Variants in DOCK7 observed in about 807,000 individuals in gnomAD.
DOCK7 encodes the protein dedicator of cytokinesis 7, also known as dedicator of cytokinesis protein 7.
Under a neutral mutation model 271.0 loss-of-function variants are expected in DOCK7, and 138 were observed. The ratio of observed to expected loss-of-function variants is 0.51; its 90% CI spans 0.44 to 0.59. The LOEUF (loss-of-function observed/expected upper bound fraction) is 0.59. DOCK7 is among the 20% of genes least tolerant of loss of function. The pLI is 0.00. For missense variants in DOCK7, 2,066 were observed against 2,592.4 expected (o/e 0.80, Z 4.41); for synonymous variants, 823 against 876.1 (o/e 0.94, Z 1.07).
chr1:62,474,189 T>TATATGCA, intron 47 of DOCK7, 101 bp from the exon 48 acceptor site: 1 of 924,326 alleles, frequency 1.1e-6, no homozygotes, highest in Non-Finnish European at 1.7e-6. Context: ...GATGGCTGCA[T>TATATGCA]TTAAGCTTAA....
chr1:62,630,110 G>A (rs140341595), intron 11 of DOCK7, among the ~76,000 whole-genome samples: 1 of 152,198 alleles, frequency 6.6e-6, no homozygotes, highest in African/African-American at 2.4e-5. Context: ...TCGGAGTTCC[G>A]AGCTAAGGAA....
chr1:62,597,626 T>G, intron 14 of DOCK7: 2 of 1,612,658 alleles, frequency 1.2e-6, no homozygotes, highest in East Asian at 4.5e-5. Context: ...CCAGAATTGA[T>G]CAAGACAATT....
intron 18 of DOCK7, among the ~76,000 whole-genome samples, chr1:62,568,407 T>C (rs1646599219): frequency 6.6e-6 from 1 of 150,938 alleles, no homozygotes; most frequent in South Asian, 2.1e-4. Flanking sequence ...TTCAAGTGAT[T>C]CTCCTGCCTC....
At chr1:62,582,549 C>CAAAAAAAAA (rs34110232) in intron 16 of DOCK7, among the ~76,000 whole-genome samples, 3 of 16,872 alleles carry the variant, frequency 1.8e-4, no homozygotes, top group Non-Finnish European at 3.9e-4. Context: ...GACTCCGTCT[C>CAAAAAAAAA]AAAAAAAAAA....
intron 1 of DOCK7, among the ~76,000 whole-genome samples, chr1:62,673,060 G>A (rs1178520279): frequency 6.6e-6 from 1 of 152,064 alleles, no homozygotes; most frequent in Admixed American, 6.5e-5. Context: ...CTAAGCCATT[G>A]TCTTTATGTC....
chr1:62,663,180 T>C (rs1658878334), intron 1 of DOCK7, 50 bp from the exon 2 acceptor site: 2 of 1,154,856 alleles, frequency 1.7e-6, no homozygotes, highest in East Asian at 2.4e-5. Flanking sequence ...AAAAAAAAAC[T>C]AAACTAGTTT....
chr1:62,604,262 A>G (rs1650610194), intron 14 of DOCK7: 1 of 1,609,728 alleles, frequency 6.2e-7, no homozygotes, highest in Non-Finnish European at 8.5e-7. Context: ...CCAATACTTT[A>G]TTTTCATATC....
At chr1:62,487,200 C>T (rs1646319945) in intron 43 of DOCK7, 198 bp downstream of exon 43, 1 of 431,962 alleles carries the variant, frequency 2.3e-6, no homozygotes, top group Middle Eastern at 5.1e-4. Context: ...GATTTCCATG[C>T]ACTGCCTACG....
At position 62,643,445 on chromosome 1, in the gene DOCK7, T is replaced by G. The variant is rs1215614055; in HGVS notation, c.818+4246A>C. 7.2e-5 allele frequency among the ~76,000 whole-genome samples: 11 copies of G among 152,340 alleles called. No individual in the cohort carries two copies. The East Asian group carries it at 2.1e-3, about 29-fold the overall frequency. On this transcript the variant is annotated intron_variant, in intron 7 of 49. Coordinates refer to ENST00000635253, the MANE Select transcript of DOCK7 (RefSeq NM_001367561.1). Reference sequence around the variant, plus strand: ...CTCTTAACAACACTGAAGATAACACTCAATGTCTTCTGGCTTCCATTGCTG... The same window carrying G: ...CTCTTAACAACACTGAAGATAACACGCAATGTCTTCTGGCTTCCATTGCTG...
intron 1 of DOCK7, among the ~76,000 whole-genome samples, chr1:62,683,042 G>A (rs998321752): frequency 5.3e-5 from 8 of 152,164 alleles, no homozygotes; most frequent in African/African-American, 1.9e-4. Context: ...ACTAATGGTA[G>A]TCCCAAACTT....
intron 14 of DOCK7, chr1:62,603,824 GTAT>G: frequency 1.4e-6 from 1 of 718,832 alleles, no homozygotes; most frequent in Non-Finnish European, 2.3e-6. Flanking sequence ...GTTTTAAAAG[GTAT>G]TATTTTAAGA....
chr1:62,583,880 A>G (rs11207995), intron 15 of DOCK7, among the ~76,000 whole-genome samples: 1 of 151,922 alleles, frequency 6.6e-6, no homozygotes, highest in African/African-American at 2.4e-5. Context: ...TCAGCCTTGT[A>G]TATCTGTCTC....
Position 62,510,641 on chromosome 1 carries a change from G to C in DOCK7, c.4315C>G (p.Gln1439Glu). The C allele has an allele frequency of 6.2e-7, 1 of 1,612,878 alleles. No individual in the cohort carries two copies. The highest frequency in any genetic ancestry group is 1.1e-5 in the South Asian group (1 of 90,970). The change falls in exon 34 of 50, where the codon CAA becomes GAA. Residue 1439 changes from glutamine to glutamate, a missense_variant. Physicochemically the swap from Gln to Glu is conservative, Grantham distance 29. Transcript: ENST00000635253. ...RSPSGSAFGS[Q>E]ENLRWRKDMT... ...TCTTTCCTCCACCTCAAATTTTCTT[G>C]ACTTCCAAAGGCACTTCCAGATGGG...
At chr1:62,517,424 C>T (rs1221818496) in intron 31 of DOCK7, among the ~76,000 whole-genome samples, 6 of 151,996 alleles carry the variant, frequency 3.9e-5, no homozygotes, top group Non-Finnish European at 5.9e-5. Context: ...GGAGAAACCC[C>T]GTCTCTATTA....
chr1:62,632,143 T>C (rs1193323623), intron 10 of DOCK7, among the ~76,000 whole-genome samples: 1 of 152,188 alleles, frequency 6.6e-6, no homozygotes, highest in African/African-American at 2.4e-5. Context: ...TATACACTAA[T>C]GACAGTGTCC....
Position 62,631,407 on chromosome 1 carries a change from T to A in DOCK7, c.1117-2A>T. 6.3e-7 allele frequency: 1 copy of A among 1,594,138 alleles called. No homozygotes were observed. The highest frequency in any genetic ancestry group is 8.5e-7 in the Non-Finnish European group (1 of 1,173,374). On this transcript the variant is annotated splice_acceptor_variant, in intron 10 of 49. Transcript: ENST00000635253. LOFTEE classifies it high-confidence loss of function. ...CAGTTTCTCCAGTTTTTCTTTATTCTGCAAAACAGAACTTTATACATTATA... is the reference window on the plus strand; with the variant it reads ...CAGTTTCTCCAGTTTTTCTTTATTCAGCAAAACAGAACTTTATACATTATA...
At chr1:62,595,415 AGAAAACAGGGGTTCAGAGATGT>A (rs1344081591) in intron 14 of DOCK7, among the ~76,000 whole-genome samples, 1 of 152,196 alleles carries the variant, frequency 6.6e-6, no homozygotes, top group Non-Finnish European at 1.5e-5. Flanking sequence ...TGGAGAGATG[AGAAAACAGGGGTTCAGAGATGT>A]GAAGTAATTT....
At chr1:62,563,863 CAAAAAAAAAAAAAAAAAAAAAAAAAAAA>C (rs71045848) in intron 18 of DOCK7, among the ~76,000 whole-genome samples, 15 of 38,814 alleles carry the variant, frequency 3.9e-4, no homozygotes, top group Admixed American at 1.5e-3. Flanking sequence ...ATTTACCAAG[CAAAAAAAAAAAAAAAAAAAAAAAAAAAA>C]AAAAAAAAAA....
chr1:62,456,363 T>G (rs2149217144), intron 49 of DOCK7, among the ~76,000 whole-genome samples: 1 of 152,254 alleles, frequency 6.6e-6, no homozygotes. Context: ...GGAATACTCT[T>G]AACATATTTT....
Sources: allele counts gnomAD v4.1 joint callset (sites outside exome capture counted in the v4.1 genomes callset), GRCh38; gene constraint gnomAD v4.1.1; transcripts MANE v1.5; gene names NCBI Gene and HGNC (gene_info 2026-07-23, HGNC 2026-07-21).